Variants in SLC41A3 observed in about 807,000 individuals in gnomAD.
SLC41A3 encodes the protein SLC41A1-like 2.
In SLC41A3, 44 loss-of-function variants were observed where a neutral mutation model predicts 45.4. The ratio of observed to expected loss-of-function variants is 0.97; its 90% confidence interval spans 0.76 to 1.25. The LOEUF (loss-of-function observed/expected upper bound fraction) is 1.25. SLC41A3 is among the 50% of genes most tolerant of loss of function. SLC41A3 has a pLI of 0.00. For synonymous variants in SLC41A3, 256 were observed against 252.4 expected, an observed-to-expected ratio of 1.01 and a Z score of -0.13; for missense variants, 550 against 600.6, an observed-to-expected ratio of 0.92 and a Z score of 0.88.
At chr3:126,087,256 T>A (rs544582205), upstream of SLC41A3, among the ~76,000 whole-genome samples, 160 of 152,236 alleles carry the variant, frequency 1.1e-3, 1 homozygote, top group Middle Eastern at 0.021. Flanking sequence ...TAATCATAAG[T>A]TCATTATTGA....
At chr3:126,046,941 A>G (rs7612319) in intron 3 of SLC41A3, among the ~76,000 whole-genome samples, 144,241 of 145,412 alleles carry the variant, frequency 0.99, 71,551 homozygotes, top group Middle Eastern at 1. Flanking sequence ...CAGCCTGGGC[A>G]ATGGAGCGAA....
intron 1 of SLC41A3, among the ~76,000 whole-genome samples, chr3:126,092,337 C>T (rs1214062690): frequency 6.6e-6 from 1 of 152,250 alleles, no homozygotes; most frequent in African/African-American, 2.4e-5. Context: ...GTTCCTGCTG[C>T]AGATAACTAG....
intron 1 of SLC41A3, among the ~76,000 whole-genome samples, chr3:126,074,059 A>G (rs1182627120): frequency 2.0e-5 from 3 of 152,122 alleles, no homozygotes; most frequent in Non-Finnish European, 4.4e-5. Context: ...TAATACACCA[A>G]ATTAATAGAA....
At chr3:126,096,006 C>A (rs986373000) in intron 1 of SLC41A3, among the ~76,000 whole-genome samples, 3 of 152,106 alleles carry the variant, frequency 2.0e-5, no homozygotes, top group African/African-American at 7.2e-5. Context: ...CTATTAATAG[C>A]TTTTAATAAG....
rs1576331901 is a variant in SLC41A3, at chr3:126,059,313, A to AAGAAAGAAAGAAAGAAAGAAAGGAT, written c.274-8264_274-8263insATCCTTTCTTTCTTTCTTTCTTTCT. Among the ~76,000 whole-genome samples the AAGAAAGAAAGAAAGAAAGAAAGGAT allele has an allele frequency of 2.2e-5, 3 of 135,578 alleles. No individual in the cohort carries two copies. In the East Asian group the frequency reaches 6.1e-4, roughly 28 times the overall value. 88.9% of individuals were successfully genotyped at this position (135,578 alleles called of 152,430 possible). Reference sequence around the variant, plus strand: ...AAGAAAGAAAGAAAGAAAGAAAGGAAGGATGATCTGTGATAAGTGCTCTGA... The same window carrying AAGAAAGAAAGAAAGAAAGAAAGGAT: ...AAGAAAGAAAGAAAGAAAGAAAGGAAAGAAAGAAAGAAAGAAAGAAAGGATGGATGATCTGTGATAAGTGCTCTGA... On this transcript the variant is annotated intron_variant, in intron 2 of 10. Transcript: ENST00000360370.
intron 2 of SLC41A3, 51 bp downstream of exon 2, chr3:126,067,895 AG>A: frequency 6.6e-7 from 1 of 1,524,670 alleles, no homozygotes; most frequent in Non-Finnish European, 8.8e-7. Flanking sequence ...CCTACTCTAT[AG>A]GTGATGTTCG....
chr3:126,007,930 G>A (rs1253202765), intron 10 of SLC41A3, among the ~76,000 whole-genome samples: 1 of 152,230 alleles, frequency 6.6e-6, no homozygotes, highest in East Asian at 1.9e-4. Context: ...TAGGCAGTGT[G>A]CTGAATACCT....
intron 1 of SLC41A3, among the ~76,000 whole-genome samples, chr3:126,080,104 A>G (rs1945077365): frequency 6.6e-6 from 1 of 152,228 alleles, no homozygotes; most frequent in Non-Finnish European, 1.5e-5. Context: ...ATTTAAAACC[A>G]TGAAACTACT....
At position 126,059,314 on chromosome 3, in the gene SLC41A3, G is replaced by GAAAGA. The variant is rs150520192; in HGVS notation, c.274-8265_274-8264insTCTTT. 8.1e-4 allele frequency among the ~76,000 whole-genome samples: 83 copies of GAAAGA among 102,762 alleles called. 1 individual carries two copies. The highest frequency in any genetic ancestry group is 2.6e-3 in the African/African-American group (68 of 25,900). 67.4% of individuals were successfully genotyped at this position (102,762 alleles called of 152,430 possible). ...AGAAAGAAAGAAAGAAAGAAAGGAA[G>GAAAGA]GATGATCTGTGATAAGTGCTCTGAA... On this transcript the variant is annotated intron_variant, in intron 2 of 10. Transcript: ENST00000360370.
chr3:126,018,686 CA>C, intron 6 of SLC41A3, among the ~76,000 whole-genome samples: 1 of 152,372 alleles, frequency 6.6e-6, no homozygotes, highest in Non-Finnish European at 1.5e-5. Flanking sequence ...ACTTCTTCAA[CA>C]ACTGTCACTG....
chr3:126,072,368 A>T (rs1026095529), intron 1 of SLC41A3, among the ~76,000 whole-genome samples: 2 of 133,010 alleles, frequency 1.5e-5, no homozygotes, highest in African/African-American at 2.7e-5. Flanking sequence ...ATTGTAAAAA[A>T]AAATAAAAAA....
chr3:126,098,732 G>A (rs1166313927), intron 1 of SLC41A3, among the ~76,000 whole-genome samples: 1 of 152,150 alleles, frequency 6.6e-6, no homozygotes, highest in Admixed American at 6.5e-5. Context: ...ACAGTGTCCA[G>A]CTGGTGTTCC....
At chr3:126,101,086 ACC>A (rs1233006186) in intron 1 of SLC41A3, among the ~76,000 whole-genome samples, 1 of 152,002 alleles carries the variant, frequency 6.6e-6, no homozygotes, top group African/African-American at 2.4e-5. Context: ...GCAGCCGCAC[ACC>A]CCTCCTTCCC....
Position 126,068,143 on chromosome 3 carries a change from AG to A in SLC41A3, c.76del (p.Leu26SerfsTer8). The A allele has an allele frequency of 1.2e-6, 2 of 1,605,354 alleles. No individual in the cohort carries two copies. The highest frequency in any genetic ancestry group is 1.7e-6 in the Non-Finnish European group (2 of 1,176,200). On this transcript the variant is annotated frameshift_variant, in exon 2 of 11. Transcript: ENST00000360370. LOFTEE classifies it high-confidence loss of function. ...KPGELGLPHP[L>X]STGGLPVASE... The stretch of plus-strand genomic sequence containing the variant: ...GGCTACAGGGAGTCCTCCTGTGCTG[AG>A]GGGGTGAGGAAGCCCCAGCTCCCCT...
At position 126,068,242 on chromosome 3, in the gene SLC41A3, C is replaced by G. The variant is rs1944452493; in HGVS notation, c.-23G>C. The G allele has an allele frequency of 6.7e-7, 1 of 1,495,948 alleles. No individual in the cohort carries two copies. The highest frequency in any genetic ancestry group is 1.4e-5 in the African/African-American group (1 of 71,402). 92.7% of individuals were successfully genotyped at this position (1,495,948 alleles called of 1,614,324 possible). A position where few individuals can be genotyped will look rare whatever the true frequency, so the allele number is the denominator to read the frequency against. Reference sequence around the variant, plus strand: ...CATCTGGGCACAGCTGGGCGCCTGGCAGCCCTACAGTGGGAGACACAAAGT... The same window carrying G: ...CATCTGGGCACAGCTGGGCGCCTGGGAGCCCTACAGTGGGAGACACAAAGT... On this transcript the variant is annotated 5_prime_UTR_variant, in exon 2 of 11. Transcript: ENST00000360370.
At chr3:126,033,962 C>A (rs536280021) in intron 3 of SLC41A3, among the ~76,000 whole-genome samples, 1 of 151,854 alleles carries the variant, frequency 6.6e-6, no homozygotes, top group Non-Finnish European at 1.5e-5. Context: ...ACACACACAG[C>A]GGTACACACA....
At chr3:126,050,532 T>C (rs34633518) in intron 3 of SLC41A3, among the ~76,000 whole-genome samples, 51,082 of 152,014 alleles carry the variant, frequency 0.34, 8,792 homozygotes, top group African/African-American at 0.38. Context: ...GAAAGGTTAA[T>C]CTGGGTGACA....
intron 2 of SLC41A3, among the ~76,000 whole-genome samples, chr3:126,060,350 C>T (rs1448350519): frequency 3.3e-5 from 5 of 151,804 alleles, no homozygotes; most frequent in African/African-American, 7.3e-5. Context: ...ACCTGGGAGG[C>T]GGAGGTTGCG....
intron 3 of SLC41A3, among the ~76,000 whole-genome samples, chr3:126,039,288 C>T (rs961852087): frequency 1.3e-5 from 2 of 152,234 alleles, no homozygotes; most frequent in African/African-American, 4.8e-5. Context: ...CCCCAGTTTT[C>T]TCACTAATGT....
Sources: allele counts gnomAD v4.1 joint callset (sites outside exome capture counted in the v4.1 genomes callset), GRCh38; gene constraint gnomAD v4.1.1; transcripts MANE v1.5; gene names NCBI Gene and HGNC (gene_info 2026-07-23, HGNC 2026-07-21).